The following DDX17 variants were observed in gnomAD, a reference collection of about 807,000 sequenced individuals.
DDX17 encodes DEAD-box helicase 17.
DDX17 carries 10 observed loss-of-function variants against 80.8 expected under a neutral mutation model. That is an observed-to-expected ratio of 0.12 (90% confidence interval 0.08 to 0.21). The LOEUF is 0.21. DDX17 is among the 10% of genes least tolerant of loss of function. The pLI is 1.00. For missense variants in DDX17, 586 were observed against 957.4 expected (o/e 0.61, Z 5.12); for synonymous variants, 339 against 336.2 (o/e 1.01, Z -0.09).
At position 38,489,976 on chromosome 22, in the gene DDX17, T is replaced by C. The variant is rs576128700; in HGVS notation, c.1448-1861A>G. 4.0e-5 allele frequency: 41 copies of C among 1,014,032 alleles called. No individual in the cohort carries two copies. Among genetic ancestry groups the C allele is most frequent in the African/African-American group, 2.2e-4 (13 of 57,996 alleles). 62.8% of individuals were successfully genotyped at this position (1,014,032 alleles called of 1,614,324 possible). ...ACTGGATGCGTTAAGTGTGCTTTCC[T>C]AGCAGAAAGCACCAGGGTGGAGTCA... On this transcript the variant is annotated intron_variant, in intron 11 of 12. Transcript: ENST00000403230. This position sits in a 1 kb window ranked among gnomAD's most constrained non-coding sequence, Gnocchi z 4.6.
Position 38,489,620 on chromosome 22 carries a change from AT to A in DDX17, c.1448-1506del, listed in dbSNP as rs200807378. The A allele has an allele frequency of 0.033, 20,448 of 610,688 alleles. 11 individuals carry two copies. Among genetic ancestry groups the A allele is most frequent in the South Asian group, 0.068 (966 of 14,120 alleles). 37.8% of individuals were successfully genotyped at this position (610,688 alleles called of 1,614,324 possible). The stretch of plus-strand genomic sequence containing the variant: ...ATTAATTTCAAGGGAGAAAGGGGAG[AT>A]TAAAAAAAAAAAATTAGCTGTTGTT... On this transcript the variant is annotated intron_variant, in intron 11 of 12. Transcript: ENST00000403230. The surrounding 1 kb of genome is among the most constrained non-coding windows in gnomAD (Gnocchi z 4.6).
At position 38,501,130 on chromosome 22, in the gene DDX17, T is replaced by G. The variant is rs2089826589; in HGVS notation, c.438A>C (p.Pro146=). The G allele has an allele frequency of 1.2e-6, 2 of 1,613,456 alleles. No homozygotes were observed. Among genetic ancestry groups the G allele is most frequent in the South Asian group, 2.2e-5 (2 of 90,906 alleles). Residue 146 remains proline, a splice_region_variant and synonymous_variant, in exon 2 of 13, where the codon CCA becomes CCC. Transcript: ENST00000403230. ...CATTAAAACACACATGTAAACTTAC[T>G]GGTGTCAGCCTTGCTACTTCCGGAT...
chr22:38,484,220 C>G lies in DDX17; in HGVS notation c.*1715G>C, dbSNP rs1393604360. 1 of 148,734 alleles carries G rather than the reference C, an allele frequency of 6.7e-6. No homozygotes were observed. The highest frequency in any genetic ancestry group is 1.5e-5 in the Non-Finnish European group (1 of 67,248). 9.2% of individuals were successfully genotyped at this position (148,734 alleles called of 1,614,324 possible). A position where few individuals can be genotyped will look rare whatever the true frequency, so the allele number is the denominator to read the frequency against. ...ATGTTTCTTCTGTGCCTACCATTCT[C>G]CCTTGGCCTCAACTTCTGTAAGATG... On this transcript the variant is annotated 3_prime_UTR_variant, in exon 13 of 13. Coordinates refer to ENST00000403230, the MANE Select transcript of DDX17 (RefSeq NM_006386.5).
In DDX17 at chr22:38,487,870, T is replaced by C. The variant is rs769330994; in HGVS notation, c.1684+9A>G. On this transcript the variant is annotated intron_variant, in intron 12 of 12. Coordinates refer to ENST00000403230, the MANE Select transcript of DDX17 (RefSeq NM_006386.5). ...GCAGTACCTGGAAAACTCCAGGACT[T>C]ACCCTTACCCCCGCCTCCGCCGCCT... 5 of 1,614,018 alleles carry C rather than the reference T, an allele frequency of 3.1e-6. No homozygotes were observed. The highest frequency in any genetic ancestry group is 4.2e-6 in the Non-Finnish European group (5 of 1,180,026).
intron 8 of DDX17, 26 bp from the exon 9 acceptor site, chr22:38,494,157 C>A (rs1031093443): frequency 6.8e-7 from 1 of 1,481,398 alleles, no homozygotes; most frequent in South Asian, 1.1e-5. Flanking sequence ...ACAATGCAGT[C>A]ATCACACAGA....
At chr22:38,501,047 C>T (rs1371726434) in intron 2 of DDX17, 83 bp downstream of exon 2, 1 of 1,469,244 alleles carries the variant, frequency 6.8e-7, no homozygotes, top group Non-Finnish European at 9.1e-7. Flanking sequence ...TGTAAAACGG[C>T]AACAGTAGCG....
chr22:38,487,765 T>G, intron 12 of DDX17, 114 bp downstream of exon 12: 1 of 1,056,534 alleles, frequency 9.5e-7, no homozygotes. Flanking sequence ...CAGTGTCCTT[T>G]GCTATTAAGC....
rs747216912 is a variant in DDX17, at chr22:38,493,697, G to GT, written c.1387+12dup. ...GTGGGGAATCAACAGAAAATGCTTA[G>GT]TTTTAAACTTACCATTAAGTACCCA... On this transcript the variant is annotated intron_variant, in intron 10 of 12. Transcript: ENST00000403230. The GT allele has an allele frequency of 3.1e-6, 5 of 1,604,798 alleles. No individual in the cohort carries two copies. In the African/African-American group the frequency reaches 6.7e-5, roughly 21 times the overall value.
chr22:38,490,443 A>AAAAAC, intron 11 of DDX17: 2 of 1,289,336 alleles, frequency 1.6e-6, no homozygotes, highest in Non-Finnish European at 2.0e-6. Context: ...GCTTCTGTTA[A>AAAAAC]AAAACAAAAC....
At chr22:38,501,948 A>C (rs528418303) in intron 1 of DDX17, among the ~76,000 whole-genome samples, 74 of 152,356 alleles carry the variant, frequency 4.9e-4, no homozygotes, top group Non-Finnish European at 7.5e-4. Flanking sequence ...GATTGTGGAC[A>C]AGAAGGAAGA....
At chr22:38,488,621 T>C in intron 11 of DDX17, 1 of 988,404 alleles carries the variant, frequency 1.0e-6, no homozygotes, top group Non-Finnish European at 1.2e-6. Context: ...GAGCTTCATA[T>C]ATTTTATTAC....
intron 2 of DDX17, among the ~76,000 whole-genome samples, chr22:38,500,366 G>T (rs1258827895): frequency 6.6e-6 from 1 of 152,052 alleles, no homozygotes; most frequent in African/African-American, 2.4e-5. Flanking sequence ...AGAAAGGCTG[G>T]GCATGGTGGC....
intron 12 of DDX17, 114 bp downstream of exon 12, chr22:38,487,765 T>A: frequency 9.5e-7 from 1 of 1,056,534 alleles, no homozygotes; most frequent in East Asian, 2.4e-5. Context: ...CAGTGTCCTT[T>A]GCTATTAAGC....
chr22:38,495,929 A>G lies in DDX17; in HGVS notation c.747T>C (p.Val249=). ...GGGCAAGCTCTCTGGTAGGAGCCAGAACTAGACACTGAAACCAACAAAAAG... is the reference window on the plus strand; with the variant it reads ...GGGCAAGCTCTCTGGTAGGAGCCAGGACTAGACACTGAAACCAACAAAAAG... Residue 249 remains valine (V), a synonymous_variant, in exon 6 of 13, where the codon GTT becomes GTC. Coordinates refer to ENST00000403230, the MANE Select transcript of DDX17 (RefSeq NM_006386.5). The G allele has an allele frequency of 6.3e-7, 1 of 1,586,016 alleles. No individual in the cohort carries two copies. Among genetic ancestry groups the G allele is most frequent in the South Asian group, 1.2e-5 (1 of 84,308 alleles).
In DDX17 at chr22:38,486,217, A is replaced by C; in HGVS notation, c.1908T>G (p.Gly636=). The C allele has an allele frequency of 6.2e-7, 1 of 1,614,078 alleles. No homozygotes were observed. Among genetic ancestry groups the C allele is most frequent in the Non-Finnish European group, 8.5e-7 (1 of 1,179,968 alleles). Residue 636 remains glycine (G), a synonymous_variant, in exon 13 of 13, where the codon GGT becomes GGG. Coordinates refer to ENST00000403230, the MANE Select transcript of DDX17 (RefSeq NM_006386.5). ...AAGCAGCTGCCCCATAGGTGCCTTG[A>C]CCATAGGTGTATTGGCCTGCTTGTG...
chr22:38,497,599 C>A (rs1192774393), intron 5 of DDX17, among the ~76,000 whole-genome samples: 1 of 102,158 alleles, frequency 9.8e-6, no homozygotes, highest in African/African-American at 4.0e-5. Flanking sequence ...GCCTGGGCAA[C>A]AAGAGTGAGA....
chr22:38,488,838 A>G (rs1456935766), intron 11 of DDX17: 3 of 985,322 alleles, frequency 3.0e-6, no homozygotes, highest in Non-Finnish European at 3.6e-6. Flanking sequence ...TGCCAAAATG[A>G]GGATATTTTT....
In DDX17 at chr22:38,485,167, A is replaced by T. The variant is rs945075950; in HGVS notation, c.*768T>A. 5 of 152,194 alleles carry T rather than the reference A, an allele frequency of 3.3e-5. No homozygotes were observed. The highest frequency in any genetic ancestry group is 3.3e-4 in the Admixed American group (5 of 15,284). 9.4% of individuals were successfully genotyped at this position (152,194 alleles called of 1,614,324 possible). On this transcript the variant is annotated 3_prime_UTR_variant, in exon 13 of 13. Transcript: ENST00000403230. ...CTGGGAAGAAATATAGGCAGCTTCC[A>T]CCCAGATGCTGAGATGCTACAGTTT...
At position 38,485,983 on chromosome 22, in the gene DDX17, G is replaced by A; in HGVS notation, c.2142C>T (p.Ala714=). ...GGGGAGGAGGAGGAGGGTATTGGTA[G>A]GCAGTCTGCCCCATGTAACCTATCA... Residue 714 remains alanine (A), a synonymous_variant, in exon 13 of 13, where the codon GCC becomes GCT. Coordinates refer to ENST00000403230, the MANE Select transcript of DDX17 (RefSeq NM_006386.5). 1 of 1,613,948 alleles carries A rather than the reference G, an allele frequency of 6.2e-7. No individual in the cohort carries two copies.
Sources: allele counts gnomAD v4.1 joint callset (sites outside exome capture counted in the v4.1 genomes callset), GRCh38; gene constraint gnomAD v4.1.1; non-coding constraint Gnocchi (gnomAD v3.1); transcripts MANE v1.5; gene names NCBI Gene and HGNC (gene_info 2026-07-23, HGNC 2026-07-21).